The following CASK variants were observed in gnomAD, a reference collection of about 807,000 sequenced individuals.
The protein encoded by CASK is peripheral plasma membrane protein CASK.
CASK carries 4 observed loss-of-function variants against 82.9 expected under a neutral mutation model. The observed-to-expected ratio is 0.05, with a 90% CI of 0.02 to 0.11. The LOEUF is 0.11. Among genes scored for constraint, CASK ranks in the 10% least tolerant of loss-of-function variants. The pLI, the probability that CASK is intolerant of heterozygous loss-of-function variation, is 1.00. For synonymous variants in CASK, 259 were observed against 253.5 expected (o/e 1.02, Z -0.20); for missense variants, 358 against 720.9 (o/e 0.50, Z 5.76).
At chrX:41,694,643 C>T (rs2067643145) in intron 5 of CASK, among the ~76,000 whole-genome samples, 1 of 111,936 alleles carries the variant, frequency 8.9e-6, no homozygotes. Flanking sequence ...CGTTATTACT[C>T]TATGCTTCTA....
At chrX:41,922,486 G>A (rs2072801271) in intron 1 of CASK, among the ~76,000 whole-genome samples, 1 of 111,968 alleles carries the variant, frequency 8.9e-6, no homozygotes, top group African/African-American at 3.3e-5. Context: ...AAAGGCATCT[G>A]TCTAATATCC....
chrX:41,823,485 T>C (rs2070593855), intron 2 of CASK, among the ~76,000 whole-genome samples: 1 of 110,960 alleles, frequency 9.0e-6, no homozygotes, highest in African/African-American at 3.3e-5. Context: ...AATTATCCTA[T>C]ATTTATTTTC....
chrX:41,626,623 G>A lies in CASK; in HGVS notation c.996C>T (p.Ser332=), dbSNP rs768258764. 26 of 1,193,913 alleles carry A rather than the reference G, an allele frequency of 2.2e-5. No individual in the cohort carries two copies. The highest frequency in any genetic ancestry group is 2.7e-5 in the Non-Finnish European group (24 of 880,102). ...AATTACCTGAGGAGGTAGGGTCTTC[G>A]GAGAAATCTGGTAACTCTTCAGGGG... The part of the protein sequence containing the change: ...GDPPEELPDF[S]EDPTSSGLLA... Residue 332 remains serine, a synonymous_variant, in exon 10 of 27, where the codon TCC becomes TCT. Transcript: ENST00000378163.
At chrX:41,787,550 C>CAAAAA (rs778064917) in intron 2 of CASK, among the ~76,000 whole-genome samples, 7 of 39,695 alleles carry the variant, frequency 1.8e-4, no homozygotes, top group East Asian at 7.9e-4. Flanking sequence ...TCCCCAAAAG[C>CAAAAA]AAAAAAAAAA....
intron 22 of CASK, among the ~76,000 whole-genome samples, chrX:41,542,389 G>A (rs1261571500): frequency 8.8e-6 from 1 of 113,064 alleles, no homozygotes; most frequent in African/African-American, 3.2e-5. Context: ...TGGCTACTCA[G>A]CAAACTCTCA....
At chrX:41,814,901 A>C (rs2070382432) in intron 2 of CASK, among the ~76,000 whole-genome samples, 1 of 111,662 alleles carries the variant, frequency 9.0e-6, no homozygotes, top group African/African-American at 3.3e-5. Flanking sequence ...TAGGCAGTAA[A>C]AGATTGTGAT....
chrX:41,554,247 C>A (rs1033129152), intron 20 of CASK, among the ~76,000 whole-genome samples: 1 of 111,778 alleles, frequency 8.9e-6, no homozygotes, highest in East Asian at 2.8e-4. Flanking sequence ...CTTTTTTAAA[C>A]CTGCATTGGT....
chrX:41,544,294 C>T (rs764491515), intron 21 of CASK, among the ~76,000 whole-genome samples: 5 of 111,597 alleles, frequency 4.5e-5, no homozygotes, highest in East Asian at 5.6e-4. Flanking sequence ...CAGCCAGGTG[C>T]GATGGCTCAC....
intron 2 of CASK, among the ~76,000 whole-genome samples, chrX:41,799,094 C>T (rs2069932839): frequency 8.9e-6 from 1 of 112,398 alleles, no homozygotes; most frequent in South Asian, 3.7e-4. Context: ...AAGCAAATTT[C>T]CGTAATAAAA....
intron 3 of CASK, among the ~76,000 whole-genome samples, chrX:41,750,022 TATC>T (rs750535183): frequency 3.6e-5 from 4 of 111,334 alleles, no homozygotes; most frequent in African/African-American, 1.3e-4. Flanking sequence ...TAACCACAGA[TATC>T]AAACAAAACC....
At chrX:41,852,831 A>C (rs1339723111) in intron 2 of CASK, among the ~76,000 whole-genome samples, 1 of 110,697 alleles carries the variant, frequency 9.0e-6, no homozygotes, top group East Asian at 2.8e-4. Context: ...ATTCAAAATT[A>C]GACCCTAAAA....
intron 5 of CASK, among the ~76,000 whole-genome samples, chrX:41,708,213 G>T (rs919450558): frequency 9.0e-6 from 1 of 110,864 alleles, no homozygotes; most frequent in African/African-American, 3.3e-5. Context: ...GTCGAGGATA[G>T]AGGTGATTTC....
At position 41,516,786 on chromosome X, in the gene CASK, T is replaced by G. The variant is rs1156290254; in HGVS notation, c.*3634A>C. The G allele has an allele frequency of 9.0e-6, 1 of 110,993 alleles. No individual in the cohort carries two copies. Among genetic ancestry groups the G allele is most frequent in the African/African-American group, 3.3e-5 (1 of 30,471 alleles). The allele number at this position is 110,993 out of a possible 1,213,427, so 9.1% of individuals were successfully genotyped here. On this transcript the variant is annotated 3_prime_UTR_variant, in exon 27 of 27. Transcript: ENST00000378163. ...GTGGGAGGCATTTCTATTAAGAATTTGTTAATCAAGCAGTTTTCTTGGTAG... is the reference window on the plus strand; with the variant it reads ...GTGGGAGGCATTTCTATTAAGAATTGGTTAATCAAGCAGTTTTCTTGGTAG...
chrX:41,730,036 T>C (rs2068363730), intron 5 of CASK: 1 of 119,564 alleles, frequency 8.4e-6, no homozygotes, highest in African/African-American at 3.4e-5. Flanking sequence ...TTTGGAGCTA[T>C]AAACTTCTTG....
intron 13 of CASK, chrX:41,588,262 A>G (rs1345065325): frequency 8.9e-6 from 1 of 111,770 alleles, no homozygotes; most frequent in African/African-American, 3.3e-5. Context: ...AAATGAGAGG[A>G]CAAAACCACA....
At chrX:41,801,688 A>G (rs1320870220) in intron 2 of CASK, among the ~76,000 whole-genome samples, 5 of 111,278 alleles carry the variant, frequency 4.5e-5, no homozygotes, top group Non-Finnish European at 9.4e-5. Flanking sequence ...GACTGGCTGA[A>G]CCTTTATAGG....
At chrX:41,693,165 A>G (rs1337352030) in intron 5 of CASK, among the ~76,000 whole-genome samples, 1 of 111,319 alleles carries the variant, frequency 9.0e-6, no homozygotes, top group East Asian at 2.8e-4. Flanking sequence ...CTTGTGCCTC[A>G]ATTCCCTGAA....
chrX:41,785,248 C>T (rs1355984415), intron 3 of CASK, among the ~76,000 whole-genome samples: 3 of 111,524 alleles, frequency 2.7e-5, no homozygotes, highest in Non-Finnish European at 5.6e-5. Context: ...CTCAAGCAAT[C>T]CGCCTGCCTT....
rs1347586346 is a variant in CASK at position 41,651,398 on chromosome X, A to G, written c.831+9041T>C. ...AAATAAAAAACAAAACAAAACAAAG[A>G]AAGTATCTAAAAATTGTTCACTACT... On this transcript the variant is annotated intron_variant, in intron 8 of 26. Coordinates refer to ENST00000378163, the MANE Select transcript of CASK (RefSeq NM_001367721.1). 4.5e-5 allele frequency among the ~76,000 whole-genome samples: 5 copies of G among 111,703 alleles called. 1 individual carries two copies. In the Admixed American group the frequency reaches 4.8e-4, roughly 11 times the overall value.
Sources: allele counts gnomAD v4.1 joint callset (sites outside exome capture counted in the v4.1 genomes callset), GRCh38; gene constraint gnomAD v4.1.1; transcripts MANE v1.5; gene names NCBI Gene and HGNC (gene_info 2026-07-23, HGNC 2026-07-21).